Variants in LARGE1 observed in about 807,000 individuals in gnomAD.
The protein encoded by LARGE1 is LARGE xylosyl- and glucuronyltransferase 1.
Under a neutral mutation model 87.6 loss-of-function variants are expected in LARGE1, and 43 were observed. That is an observed-to-expected ratio of 0.49 (90% confidence interval 0.38 to 0.63). The LOEUF is 0.63. Ranked by LOEUF, LARGE1 falls within the 30% of genes least tolerant of loss-of-function variation. The probability of loss-of-function intolerance (pLI) is 0.00; values close to 1 mark genes in which losing one functional copy is unlikely to be tolerated. For missense variants in LARGE1, 802 were observed against 1,000.2 expected (o/e 0.80, Z 2.67); for synonymous variants, 434 against 394.6 (o/e 1.10, Z -1.18).
At chr22:33,098,231 C>A in the LARGE1 span, among the ~76,000 whole-genome samples, 1 of 152,082 alleles carries the variant, frequency 6.6e-6, no homozygotes, top group Admixed American at 6.5e-5. Context: ...TCACTTGAGG[C>A]TTGAGGCTGC....
At chr22:33,476,664 T>A (rs1602023748) in intron 6 of LARGE1, among the ~76,000 whole-genome samples, 1 of 152,136 alleles carries the variant, frequency 6.6e-6, no homozygotes, top group Non-Finnish European at 1.5e-5. Context: ...TGAAGTAACA[T>A]TTCCTTTTTG....
At chr22:33,641,357 T>G (rs56687432) in intron 3 of LARGE1, among the ~76,000 whole-genome samples, 1 of 151,828 alleles carries the variant, frequency 6.6e-6, no homozygotes, top group South Asian at 2.1e-4. Flanking sequence ...CATCAACAAA[T>G]AGGATGCCCA....
At position 33,818,840 on chromosome 22, in the gene LARGE1, C is replaced by T. The variant is rs530054258; in HGVS notation, c.-82-57282G>A. On this transcript the variant is annotated intron_variant, in intron 1 of 14. Transcript: ENST00000397394. ...TTGGCAGGGTAAGAACTCAGCAGGGCAAGAGTCCAGGACTTCCCCCACCTT... is the reference window on the plus strand; with the variant it reads ...TTGGCAGGGTAAGAACTCAGCAGGGTAAGAGTCCAGGACTTCCCCCACCTT... 1.7e-4 allele frequency among the ~76,000 whole-genome samples: 26 copies of T among 152,260 alleles called. No individual in the cohort carries two copies. The South Asian group carries it at 5.4e-3, about 32-fold the overall frequency.
At chr22:33,667,202 CCAGA>C (rs1214777464) in intron 2 of LARGE1, among the ~76,000 whole-genome samples, 9 of 152,176 alleles carry the variant, frequency 5.9e-5, no homozygotes, top group African/African-American at 2.2e-4. Context: ...ATGAGTTTCT[CCAGA>C]AAGAAGGCTT....
chr22:33,911,158 G>C (rs2065624983), intron 1 of LARGE1, among the ~76,000 whole-genome samples: 2 of 152,202 alleles, frequency 1.3e-5, no homozygotes, highest in Admixed American at 1.3e-4. Context: ...GATGGAAGCA[G>C]AGCATGCTGC....
chr22:33,691,158 C>A (rs2082087316), intron 2 of LARGE1, among the ~76,000 whole-genome samples: 1 of 152,024 alleles, frequency 6.6e-6, no homozygotes, highest in African/African-American at 2.4e-5. Flanking sequence ...TATAGAAACC[C>A]CAGAATGGCT....
At chr22:33,541,265 G>T (rs940652613) in intron 6 of LARGE1, among the ~76,000 whole-genome samples, 2 of 151,480 alleles carry the variant, frequency 1.3e-5, no homozygotes. Flanking sequence ...TTACGGAGCC[G>T]GGGCTGGGAC....
intron 11 of LARGE1, among the ~76,000 whole-genome samples, chr22:33,259,444 C>G (rs1250459397): frequency 6.6e-6 from 1 of 151,192 alleles, no homozygotes; most frequent in Non-Finnish European, 1.5e-5. Flanking sequence ...TTTCTAGCAA[C>G]CTGGCTGGTC....
rs1928423720 is a variant in LARGE1, at chr22:33,272,870, G to A, written c.*1557C>T. The A allele has an allele frequency of 6.6e-6, 1 of 152,284 alleles. No individual in the cohort carries two copies. Among genetic ancestry groups the A allele is most frequent in the Non-Finnish European group, 1.5e-5 (1 of 68,042 alleles). The allele number at this position is 152,284 out of a possible 1,614,324, so 9.4% of individuals were successfully genotyped here. ...ATCTGGCTCCAGTGTTGAGAAAGAT[G>A]CGGAATGGAAAACTTGAAGATGGTT... On this transcript the variant is annotated 3_prime_UTR_variant, in exon 15 of 15. Coordinates refer to ENST00000397394, the MANE Select transcript of LARGE1 (RefSeq NM_133642.5).
chr22:33,088,115 T>C, the LARGE1 span, among the ~76,000 whole-genome samples: 1 of 151,958 alleles, frequency 6.6e-6, no homozygotes. Flanking sequence ...ACTTTACATC[T>C]GAAACCCAGA....
chr22:33,181,329 C>A (rs1158592747), intron 11 of LARGE1, among the ~76,000 whole-genome samples: 2 of 151,900 alleles, frequency 1.3e-5, no homozygotes, highest in African/African-American at 4.8e-5. Flanking sequence ...TGATAATATT[C>A]TATTTTTATG....
intron 6 of LARGE1, among the ~76,000 whole-genome samples, chr22:33,517,150 T>C (rs2071348391): frequency 6.6e-6 from 1 of 152,156 alleles, no homozygotes; most frequent in Admixed American, 6.5e-5. Flanking sequence ...TGAATACGTA[T>C]TAACTGATGA....
chr22:33,239,420 A>G (rs1364322327), intron 11 of LARGE1, among the ~76,000 whole-genome samples: 1 of 152,092 alleles, frequency 6.6e-6, no homozygotes, highest in East Asian at 1.9e-4. Context: ...ATGGTATATC[A>G]CAATGGTTTT....
chr22:33,554,346 C>T (rs1477207315), intron 6 of LARGE1, among the ~76,000 whole-genome samples: 3 of 152,146 alleles, frequency 2.0e-5, no homozygotes, highest in African/African-American at 7.2e-5. Flanking sequence ...CTCACCTGGC[C>T]ATTCAGAAAA....
intron 1 of LARGE1, among the ~76,000 whole-genome samples, chr22:33,783,246 A>T (rs944028011): frequency 1.3e-5 from 2 of 152,056 alleles, no homozygotes; most frequent in African/African-American, 4.8e-5. Context: ...AAAAAAAAAA[A>T]TTTGCAAGAG....
chr22:33,816,681 T>C (rs918458128), intron 1 of LARGE1, among the ~76,000 whole-genome samples: 6 of 129,622 alleles, frequency 4.6e-5, no homozygotes, highest in African/African-American at 1.3e-4. Context: ...GATGGATAGA[T>C]AGATAGATAG....
chr22:33,646,078 A>C (rs1055968555), intron 3 of LARGE1, among the ~76,000 whole-genome samples: 1 of 151,854 alleles, frequency 6.6e-6, no homozygotes, highest in African/African-American at 2.4e-5. Context: ...TGACCCAGCA[A>C]TCTACTGGGT....
intron 2 of LARGE1, among the ~76,000 whole-genome samples, chr22:33,714,022 A>G (rs951758574): frequency 1.3e-5 from 2 of 151,920 alleles, no homozygotes; most frequent in African/African-American, 2.4e-5. Flanking sequence ...ATAACATAAC[A>G]TAACATAACA....
At chr22:33,281,020 C>T (rs1472521413) in intron 13 of LARGE1, among the ~76,000 whole-genome samples, 4 of 152,140 alleles carry the variant, frequency 2.6e-5, no homozygotes, top group Non-Finnish European at 5.9e-5. Context: ...TTTCTCATTC[C>T]AGGTGTGGTA....
Sources: gnomAD v4.1 joint callset for allele counts (sites outside exome capture counted in the v4.1 genomes callset) on GRCh38, gnomAD v4.1.1 for gene constraint, MANE v1.5 for transcripts, NCBI Gene and HGNC (gene_info 2026-07-23, HGNC 2026-07-21) for gene names.